NKD1: variants seen among roughly 807,000 people sequenced by gnomAD.
NKD1 encodes the protein protein naked cuticle homolog 1.
In NKD1, 21 loss-of-function variants were observed where a neutral mutation model predicts 56.0. The observed-to-expected ratio is 0.38, with a 90% confidence interval of 0.27 to 0.54. The LOEUF is 0.54. Ranked by LOEUF, NKD1 falls within the 20% of genes least tolerant of loss-of-function variation. The pLI is 0.82. For missense variants in NKD1, 578 were observed against 642.7 expected, an observed-to-expected ratio of 0.90 and a Z score of 1.09; for synonymous variants, 263 against 265.7, an observed-to-expected ratio of 0.99 and a Z score of 0.10.
At chr16:50,599,211 C>T (rs1417535514) in intron 3 of NKD1, among the ~76,000 whole-genome samples, 1 of 152,074 alleles carries the variant, frequency 6.6e-6, no homozygotes, top group African/African-American at 2.4e-5. Flanking sequence ...AATGAAAGAC[C>T]AGGGCCCGGA....
intron 8 of NKD1, among the ~76,000 whole-genome samples, chr16:50,631,483 G>T (rs898966744): frequency 2.0e-5 from 3 of 152,186 alleles, no homozygotes; most frequent in African/African-American, 7.2e-5. Context: ...AACCTCTAGT[G>T]TGCAAATGGT....
chr16:50,574,937 C>T (rs1960960332), intron 3 of NKD1: 1 of 984,704 alleles, frequency 1.0e-6, no homozygotes, highest in South Asian at 4.7e-5. Context: ...TTTCCTTTTC[C>T]CTTTAAACAT....
chr16:50,610,202 T>C (rs1961811989), intron 4 of NKD1, among the ~76,000 whole-genome samples: 1 of 152,132 alleles, frequency 6.6e-6, no homozygotes, highest in African/African-American at 2.4e-5. Context: ...TTTTAAAAAA[T>C]CAAAAAACCA....
At chr16:50,570,845 A>G (rs1313444723) in intron 3 of NKD1, 20 of 985,280 alleles carry the variant, frequency 2.0e-5, no homozygotes, top group Non-Finnish European at 9.6e-6. Context: ...GTGCGGTAAC[A>G]TCTGTACAGC....
At chr16:50,549,398 G>T in intron 2 of NKD1, 24 bp from the exon 3 acceptor site, 1 of 1,608,286 alleles carries the variant, frequency 6.2e-7, no homozygotes, top group Non-Finnish European at 8.5e-7. Flanking sequence ...CAGACTCAGG[G>T]GCTTCATGTC....
chr16:50,550,982 G>T (rs1960371632), intron 3 of NKD1, among the ~76,000 whole-genome samples: 1 of 151,520 alleles, frequency 6.6e-6, no homozygotes, highest in Non-Finnish European at 1.5e-5. Context: ...TTTCTAAACT[G>T]CCAGGCAGCT....
rs1187758296 is a variant in NKD1, at chr16:50,643,010, C to CT, written c.*9230dup. 1.3e-5 allele frequency: 2 copies of CT among 152,216 alleles called. No homozygotes were observed. Among genetic ancestry groups the CT allele is most frequent in the Non-Finnish European group, 2.9e-5 (2 of 68,068 alleles). 9.4% of individuals were successfully genotyped at this position (152,216 alleles called of 1,614,324 possible). A position where few individuals can be genotyped will look rare whatever the true frequency, so the allele number is the denominator to read the frequency against. On this transcript the variant is annotated 3_prime_UTR_variant, in exon 10 of 10. Transcript: ENST00000268459. ...AAGCTAGACTATGGGGGTGGCAGCT[C>CT]TAAGTCCTACAAACAGTAGGGGTAG...
At position 50,638,674 on chromosome 16, in the gene NKD1, T is replaced by A. The variant is rs1294301741; in HGVS notation, c.*4893T>A. 3.9e-5 allele frequency: 6 copies of A among 152,210 alleles called. 1 individual carries two copies. Among genetic ancestry groups the A allele is most frequent in the Admixed American group, 2.0e-4 (3 of 15,276 alleles). The allele number at this position is 152,210 out of a possible 1,614,324, so 9.4% of individuals were successfully genotyped here. A position where few individuals can be genotyped will look rare whatever the true frequency, so the allele number is the denominator to read the frequency against. ...CCAGCAGTCGTTTGTACCCCAACCC[T>A]CTGCTCAGGGGCTCATACCCCCAAA... is the stretch of plus-strand genomic sequence containing the variant. On this transcript the variant is annotated 3_prime_UTR_variant, in exon 10 of 10. Transcript: ENST00000268459.
chr16:50,630,637 C>A (rs1362187844), intron 7 of NKD1, among the ~76,000 whole-genome samples, 189 bp from the exon 8 acceptor site: 1 of 150,564 alleles, frequency 6.6e-6, no homozygotes, highest in Admixed American at 6.7e-5. Flanking sequence ...GAGGGGGAGT[C>A]TGGGGGAGGA....
chr16:50,607,495 G>A (rs1183647124), intron 3 of NKD1: 1 of 160,662 alleles, frequency 6.2e-6, no homozygotes, highest in East Asian at 1.8e-4. Flanking sequence ...CGCTACCATA[G>A]CATCATCATC....
chr16:50,559,135 AGTAAT>A lies in NKD1; in HGVS notation c.192+9582_192+9586del, dbSNP rs1960568326. Among the ~76,000 whole-genome samples, 3 of 152,198 alleles carry A rather than the reference AGTAAT, an allele frequency of 2.0e-5. No individual in the cohort carries two copies. The South Asian group carries it at 6.2e-4, about 31-fold the overall frequency. On this transcript the variant is annotated intron_variant, in intron 3 of 9. Transcript: ENST00000268459. ...GTTTTCACATCTGTGGAATGGGTAG[AGTAAT>A]GGTTCCTACCTCATTGGGTTGTTTT...
rs1170553180 is a variant in NKD1, at chr16:50,640,124, G to A, written c.*6343G>A. On this transcript the variant is annotated 3_prime_UTR_variant, in exon 10 of 10. Transcript: ENST00000268459. ...CATCAGGGAGAGAGGTAGGTAGGGAGGAGCATTCAAGGATTAGAAGAAGGA... is the reference window on the plus strand; with the variant it reads ...CATCAGGGAGAGAGGTAGGTAGGGAAGAGCATTCAAGGATTAGAAGAAGGA... 2.0e-5 allele frequency: 3 copies of A among 152,184 alleles called. No individual in the cohort carries two copies. Among genetic ancestry groups the A allele is most frequent in the African/African-American group, 7.2e-5 (3 of 41,404 alleles). 9.4% of individuals were successfully genotyped at this position (152,184 alleles called of 1,614,324 possible). A position where few individuals can be genotyped will look rare whatever the true frequency, so the allele number is the denominator to read the frequency against.
chr16:50,554,318 T>G (rs1960453543), intron 3 of NKD1, among the ~76,000 whole-genome samples: 1 of 152,188 alleles, frequency 6.6e-6, no homozygotes, highest in Non-Finnish European at 1.5e-5. Flanking sequence ...GATGGATCGA[T>G]GGACAGTGTT....
rs1962579601 is a variant in NKD1 at position 50,641,544 on chromosome 16, C to T, written c.*7763C>T. ...TCAGAAAGTGGGTTTACCCCAGGCT[C>T]CTGTTCCCACATGGCTGCAATCCGC... On this transcript the variant is annotated 3_prime_UTR_variant, in exon 10 of 10. Transcript: ENST00000268459. 1 of 152,228 alleles carries T rather than the reference C, an allele frequency of 6.6e-6. No homozygotes were observed. The highest frequency in any genetic ancestry group is 2.1e-4 in the South Asian group (1 of 4,834). The allele number at this position is 152,228 out of a possible 1,614,324, so 9.4% of individuals were successfully genotyped here. A position where few individuals can be genotyped will look rare whatever the true frequency, so the allele number is the denominator to read the frequency against.
Position 50,633,477 on chromosome 16 carries a change from C to A in NKD1, c.1109C>A (p.Pro370His). Residue 370 changes from proline to histidine, a missense_variant, in exon 10 of 10, where the codon CCT (proline) becomes CAT (histidine). Pro to His is a moderately conservative substitution (Grantham distance 77). Coordinates refer to ENST00000268459, the MANE Select transcript of NKD1 (RefSeq NM_033119.5). This position sits in a 1 kb window ranked among gnomAD's most constrained non-coding sequence, Gnocchi z 4.9. The part of the protein sequence containing the change: ...HVARGARNKP[P>H]LGPAIPAVSP... Reference sequence around the variant, plus strand: ...GCCAGAGGGGCAAGAAACAAGCCCCCTCTGGGACCCGCCATCCCTGCGGTG... The same window carrying A: ...GCCAGAGGGGCAAGAAACAAGCCCCATCTGGGACCCGCCATCCCTGCGGTG... 6.2e-7 allele frequency: 1 copy of A among 1,609,360 alleles called. No individual in the cohort carries two copies. The highest frequency in any genetic ancestry group is 8.5e-7 in the Non-Finnish European group (1 of 1,177,702).
chr16:50,602,928 A>T (rs979017812), intron 3 of NKD1, among the ~76,000 whole-genome samples: 1 of 152,214 alleles, frequency 6.6e-6, no homozygotes, highest in African/African-American at 2.4e-5. Flanking sequence ...TGCCCTAAAC[A>T]TCACTGGATT....
At chr16:50,570,171 T>A (rs1960850809) in intron 3 of NKD1, among the ~76,000 whole-genome samples, 1 of 152,206 alleles carries the variant, frequency 6.6e-6, no homozygotes, top group South Asian at 2.1e-4. Flanking sequence ...TTGTTAAAAT[T>A]AATGTCACCT....
intron 4 of NKD1, among the ~76,000 whole-genome samples, chr16:50,616,772 G>A (rs1961970506): frequency 6.6e-6 from 1 of 152,170 alleles, no homozygotes; most frequent in Non-Finnish European, 1.5e-5. Flanking sequence ...ACTAGCTCCG[G>A]ATGCATTCAT....
intron 3 of NKD1, 31 bp from the exon 4 acceptor site, chr16:50,608,263 T>G: frequency 6.5e-7 from 1 of 1,547,304 alleles, no homozygotes; most frequent in Non-Finnish European, 8.9e-7. Context: ...CCCCAACCCC[T>G]GCTCAATGCC....
Sources: allele counts gnomAD v4.1 joint callset (sites outside exome capture counted in the v4.1 genomes callset), GRCh38; gene constraint gnomAD v4.1.1; non-coding constraint Gnocchi (gnomAD v3.1); transcripts MANE v1.5; gene names NCBI Gene and HGNC (gene_info 2026-07-23, HGNC 2026-07-21).